Variants in DGKB observed in about 807,000 individuals in gnomAD.
The protein encoded by DGKB is 90 kDa diacylglycerol kinase.
A neutral mutation model predicts 114.3 loss-of-function variants in DGKB; 67 were observed. The ratio of observed to expected loss-of-function variants is 0.59; its 90% CI spans 0.48 to 0.72. DGKB has a LOEUF of 0.72. Among genes scored for constraint, DGKB ranks in the 30% least tolerant of loss-of-function variants. The probability of loss-of-function intolerance (pLI) is 0.00; values close to 1 mark genes in which losing one functional copy is unlikely to be tolerated. For missense variants in DGKB, 907 were observed against 975.2 expected, an observed-to-expected ratio of 0.93 and a Z score of 0.93; for synonymous variants, 398 against 323.1, an observed-to-expected ratio of 1.23 and a Z score of -2.49.
At chr7:14,629,845 A>G (rs1471451681) in intron 14 of DGKB, among the ~76,000 whole-genome samples, 5 of 152,090 alleles carry the variant, frequency 3.3e-5, no homozygotes, top group African/African-American at 1.2e-4. Context: ...ACTGCCATTG[A>G]AACTTATATT....
chr7:14,296,666 G>T (rs960241457), intron 23 of DGKB, among the ~76,000 whole-genome samples: 2 of 150,544 alleles, frequency 1.3e-5, no homozygotes, highest in Non-Finnish European at 3.0e-5. Flanking sequence ...AAATTCAAAA[G>T]CTAGCAGAAG....
chr7:14,750,255 A>G, intron 4 of DGKB: 1 of 469,590 alleles, frequency 2.1e-6, no homozygotes, highest in Non-Finnish European at 4.3e-6. Context: ...AACACATGGT[A>G]TAAGGTAATT....
chr7:14,943,307 T>C, intron 1 of DGKB, among the ~76,000 whole-genome samples: 1 of 151,626 alleles, frequency 6.6e-6, no homozygotes, highest in East Asian at 2.0e-4. Flanking sequence ...TTTCTTGAAT[T>C]CTAGTAGTAT....
At chr7:14,672,126 A>T (rs1331791391) in intron 13 of DGKB, among the ~76,000 whole-genome samples, 1 of 152,040 alleles carries the variant, frequency 6.6e-6, no homozygotes, top group East Asian at 1.9e-4. Flanking sequence ...TAATATGATT[A>T]ATTTCTAGGT....
chr7:14,265,140 A>ATTT (rs35138234), intron 23 of DGKB, among the ~76,000 whole-genome samples: 8,595 of 142,644 alleles, frequency 0.06, 344 homozygotes, highest in East Asian at 0.18. Flanking sequence ...TCCGGAGATC[A>ATTT]TTTTTTTTTT....
At chr7:14,820,809 T>C (rs1243296696) in intron 2 of DGKB, among the ~76,000 whole-genome samples, 2 of 152,134 alleles carry the variant, frequency 1.3e-5, no homozygotes, top group Non-Finnish European at 2.9e-5. Context: ...GTGTGTTTTC[T>C]CAGAGACAGA....
intron 1 of DGKB, among the ~76,000 whole-genome samples, chr7:14,841,945 A>C (rs1207158765): frequency 6.6e-6 from 1 of 152,216 alleles, no homozygotes; most frequent in East Asian, 1.9e-4. Context: ...GATTGGCCAA[A>C]TTAAAGCAAT....
intron 1 of DGKB, among the ~76,000 whole-genome samples, chr7:14,893,151 C>T (rs1781553897): frequency 6.6e-6 from 1 of 151,246 alleles, no homozygotes; most frequent in African/African-American, 2.4e-5. Context: ...ATGAGTCACT[C>T]TGTCTCCATT....
At chr7:14,840,670 C>A (rs1417833703) in intron 2 of DGKB, among the ~76,000 whole-genome samples, 2 of 150,400 alleles carry the variant, frequency 1.3e-5, no homozygotes, top group African/African-American at 4.9e-5. Context: ...CATAATGTAT[C>A]TATGACTCCC....
intron 23 of DGKB, among the ~76,000 whole-genome samples, chr7:14,318,462 G>A (rs911009145): frequency 5.5e-4 from 84 of 152,136 alleles, no homozygotes; most frequent in South Asian, 1.7e-3. Flanking sequence ...CAACCCCATC[G>A]AAAAGTGGGC....
intron 23 of DGKB, among the ~76,000 whole-genome samples, chr7:14,278,930 C>G (rs535753199): frequency 6.6e-6 from 1 of 152,120 alleles, no homozygotes; most frequent in East Asian, 1.9e-4. Context: ...GCCTGAGCAA[C>G]GCAGAAGACG....
chr7:14,937,779 C>T (rs1785352977), intron 1 of DGKB, among the ~76,000 whole-genome samples: 1 of 152,088 alleles, frequency 6.6e-6, no homozygotes, highest in African/African-American at 2.4e-5. Context: ...TATACTTCTA[C>T]TTCCTCTTCC....
intron 21 of DGKB, among the ~76,000 whole-genome samples, chr7:14,358,417 G>A (rs992731582): frequency 4.6e-5 from 7 of 151,902 alleles, no homozygotes; most frequent in Middle Eastern, 3.2e-3. Flanking sequence ...CGTAGTTCTC[G>A]TGCCATGGTT....
chr7:14,621,224 G>A (rs933843293), intron 15 of DGKB, 154 bp downstream of exon 15: 7 of 567,416 alleles, frequency 1.2e-5, no homozygotes, highest in Non-Finnish European at 2.2e-5. Context: ...CCGTAAGACT[G>A]ACATCTTGAT....
chr7:14,917,241 T>C lies in DGKB; in HGVS notation c.-188+57455A>G, dbSNP rs192152817. ...CTTAGGACTAGAGAAAGTAAAGCTA[T>C]ATAAATGTAAAACAATCAGATAAAA... On this transcript the variant is annotated intron_variant, in intron 1 of 4. Coordinates refer to the DGKB transcript ENST00000437998. Among the ~76,000 whole-genome samples, 188 of 152,002 alleles carry C rather than the reference T, an allele frequency of 1.2e-3. No individual in the cohort carries two copies. In the South Asian group the frequency reaches 0.015, roughly 12 times the overall value.
In DGKB at chr7:14,388,899, T is replaced by C. The variant is rs535633373; in HGVS notation, c.1836-43508A>G. ...CTACCAACCTGGAACAGAGGGCTTT[T>C]ATATAGAATTTCAAGTGCTGTCCTT... On this transcript the variant is annotated intron_variant, in intron 21 of 25. Coordinates refer to ENST00000402815, the MANE Select transcript of DGKB (RefSeq NM_001350709.2). Among the ~76,000 whole-genome samples the C allele has an allele frequency of 2.0e-5, 3 of 152,276 alleles. No individual in the cohort carries two copies. In the East Asian group the frequency reaches 5.8e-4, roughly 29 times the overall value.
At chr7:14,357,922 G>A (rs1814895739) in intron 21 of DGKB, among the ~76,000 whole-genome samples, 1 of 151,984 alleles carries the variant, frequency 6.6e-6, no homozygotes, top group African/African-American at 2.4e-5. Context: ...TTGAATATTG[G>A]CCCCTACTCT....
intron 21 of DGKB, among the ~76,000 whole-genome samples, chr7:14,389,877 C>A (rs1036768731): frequency 6.6e-6 from 1 of 152,186 alleles, no homozygotes; most frequent in African/African-American, 2.4e-5. Context: ...AGTTCGTTAT[C>A]TAGTTCAGCT....
Position 14,665,459 on chromosome 7 carries a change from G to GC in DGKB, c.1134+7469dup, listed in dbSNP as rs1417780203. On this transcript the variant is annotated intron_variant, in intron 13 of 25. Coordinates refer to ENST00000402815, the MANE Select transcript of DGKB (RefSeq NM_001350709.2). Reference sequence around the variant, plus strand: ...GGTGATGAAATAATCTGTACAACAAGCCCCCGTGACACAAGCTTACCTATA... The same window carrying GC: ...GGTGATGAAATAATCTGTACAACAAGCCCCCCGTGACACAAGCTTACCTATA... Among the ~76,000 whole-genome samples the GC allele has an allele frequency of 2.0e-5, 3 of 151,800 alleles. No individual in the cohort carries two copies. The East Asian group carries it at 5.8e-4, about 29-fold the overall frequency.
Sources: gnomAD v4.1 joint callset for allele counts (sites outside exome capture counted in the v4.1 genomes callset) on GRCh38, gnomAD v4.1.1 for gene constraint, MANE v1.5 for transcripts, NCBI Gene and HGNC (gene_info 2026-07-23, HGNC 2026-07-21) for gene names.